VWA3B: variants seen among roughly 807,000 people sequenced by gnomAD.
VWA3B encodes the protein von Willebrand factor A domain-containing protein 3B.
Under a neutral mutation model 158.3 loss-of-function variants are expected in VWA3B, and 138 were observed. The ratio of observed to expected loss-of-function variants is 0.87; its 90% CI spans 0.76 to 1.00. The LOEUF is 1.00. Ranked by LOEUF, VWA3B falls within the 50% of genes least tolerant of loss-of-function variation. The pLI is 0.00. For missense variants in VWA3B, 1,555 were observed against 1,565.1 expected, an observed-to-expected ratio of 0.99 and a Z score of 0.11; for synonymous variants, 596 against 587.3, an observed-to-expected ratio of 1.01 and a Z score of -0.21.
At chr2:98,286,853 C>A (rs750545821) in intron 22 of VWA3B, among the ~76,000 whole-genome samples, 1 of 152,048 alleles carries the variant, frequency 6.6e-6, no homozygotes, top group Non-Finnish European at 1.5e-5. Flanking sequence ...TTCAGTTCTC[C>A]AGCCAGAAAT....
chr2:98,140,026 C>T (rs555564292), intron 7 of VWA3B, among the ~76,000 whole-genome samples: 36 of 152,138 alleles, frequency 2.4e-4, no homozygotes, highest in African/African-American at 8.4e-4. Context: ...ACTCCAGAAG[C>T]GCCGCCTTAA....
chr2:98,088,268 T>C (rs1164904351), intron 1 of VWA3B, among the ~76,000 whole-genome samples: 2 of 152,204 alleles, frequency 1.3e-5, no homozygotes, highest in Non-Finnish European at 2.9e-5. Context: ...GGGGTGTTGA[T>C]AATAAAGTAG....
chr2:98,165,533 TGCAGAGG>T (rs887392280), intron 8 of VWA3B, among the ~76,000 whole-genome samples: 2 of 151,754 alleles, frequency 1.3e-5, no homozygotes, highest in Non-Finnish European at 2.9e-5. Context: ...GTTACAGAGG[TGCAGAGG>T]GCAGAGGGCA....
downstream of VWA3B, among the ~76,000 whole-genome samples, chr2:98,316,646 C>CAA (rs57574289): frequency 4.1e-3 from 261 of 64,244 alleles, 1 homozygote; most frequent in African/African-American, 0.013. Context: ...AACTCTGTCT[C>CAA]AAAAAAAAAA....
chr2:98,228,313 GA>G lies in VWA3B; in HGVS notation c.2135del (p.Lys712ArgfsTer14), dbSNP rs1439916210. 1 of 1,613,736 alleles carries G rather than the reference GA, an allele frequency of 6.2e-7. No homozygotes were observed. Among genetic ancestry groups the G allele is most frequent in the South Asian group, 1.1e-5 (1 of 90,996 alleles). On this transcript the variant is annotated frameshift_variant, in exon 15 of 28. Transcript: ENST00000477737. LOFTEE classifies it high-confidence loss of function. ...GATCATGGACTGGTGGTACAATGCA[GA>G]AAAGGATGGAGACAGCAAGTGAGCA... ...SLIMDWWYNAEKDGDSKHQKE... is the reference protein window; with the variant it reads ...SLIMDWWYNAXKDGDSKHQKE...
chr2:98,088,140 G>C (rs190327734), intron 1 of VWA3B, among the ~76,000 whole-genome samples: 168 of 152,262 alleles, frequency 1.1e-3, no homozygotes, highest in African/African-American at 3.7e-3. Context: ...ATGAAGCTTC[G>C]TCCCAGTTTC....
At chr2:98,102,917 T>C (rs563523104) in intron 2 of VWA3B, among the ~76,000 whole-genome samples, 2 of 152,376 alleles carry the variant, frequency 1.3e-5, no homozygotes, top group East Asian at 3.9e-4. Flanking sequence ...TAATCAGATA[T>C]TCTGTTTCAT....
At chr2:98,178,502 C>T (rs1282124123) in intron 8 of VWA3B, among the ~76,000 whole-genome samples, 1 of 152,170 alleles carries the variant, frequency 6.6e-6, no homozygotes, top group African/African-American at 2.4e-5. Flanking sequence ...AATTCTATAT[C>T]CCCTTAAATA....
intron 13 of VWA3B, among the ~76,000 whole-genome samples, chr2:98,217,474 G>A (rs1025152024): frequency 2.0e-5 from 3 of 152,166 alleles, no homozygotes; most frequent in Admixed American, 2.0e-4. Context: ...GTGGGAAGCG[G>A]TTGACCATAG....
rs545479123 is a variant in VWA3B, at chr2:98,280,319, A to T, written c.3045+9436A>T. On this transcript the variant is annotated intron_variant, in intron 22 of 27. Transcript: ENST00000477737. ...TCTGTTTGGAATATAGTATATGTTT[A>T]TTAGATTCCTTTGCTGCCACAAAGA... Among the ~76,000 whole-genome samples, 68 of 152,264 alleles carry T rather than the reference A, an allele frequency of 4.5e-4. 1 individual carries two copies. In the South Asian group the frequency reaches 0.014, roughly 31 times the overall value.
In VWA3B at chr2:98,217,928, T is replaced by C. The variant is rs752042544; in HGVS notation, c.1919T>C (p.Ile640Thr). Residue 640 changes from isoleucine to threonine, a missense_variant, in exon 14 of 28, where the codon ATT becomes ACT. Transcript: ENST00000477737. ...YTISFNYNDE[I>T]ANRFLKEVAA... is the part of the protein sequence containing the mutation. ...ATCTCCTTCAATTACAATGATGAGA[T>C]TGCAAACAGGTTTTTGAAAGAGGTT... The C allele has an allele frequency of 1.4e-5, 23 of 1,613,686 alleles. No individual in the cohort carries two copies. In the South Asian group the frequency reaches 1.6e-4, roughly 12 times the overall value.
chr2:98,228,123 C>G, intron 14 of VWA3B, 79 bp from the exon 15 acceptor site: 1 of 1,471,606 alleles, frequency 6.8e-7, no homozygotes, highest in Non-Finnish European at 9.0e-7. Flanking sequence ...CCTCTTGTCT[C>G]TAAAAAGAAA....
In VWA3B at chr2:98,129,206, G is replaced by GGAGAGA. The variant is rs150753050; in HGVS notation, c.872+812_872+817dup. ...GGAGAGAGAGAGTGAGAGAGAGAGA[G>GGAGAGA]GAGAGAGAGAGAGAGAGAGTGTGTG... On this transcript the variant is annotated intron_variant, in intron 6 of 27. Coordinates refer to ENST00000477737, the MANE Select transcript of VWA3B (RefSeq NM_144992.5). Among the ~76,000 whole-genome samples, 1,153 of 128,376 alleles carry GGAGAGA rather than the reference G, an allele frequency of 9.0e-3. 30 individuals carry two copies. Among genetic ancestry groups the GGAGAGA allele is most frequent in the African/African-American group, 0.029 (861 of 29,528 alleles). The allele number at this position is 128,376 out of a possible 152,430, so 84.2% of individuals were successfully genotyped here.
At chr2:98,119,817 A>G in intron 4 of VWA3B, 54 bp downstream of exon 4, 1 of 1,596,344 alleles carries the variant, frequency 6.3e-7, no homozygotes, top group South Asian at 1.1e-5. Flanking sequence ...TAATTTGTAC[A>G]TATTTGGAAT....
intron 7 of VWA3B, among the ~76,000 whole-genome samples, chr2:98,135,261 A>G (rs919417604): frequency 2.6e-5 from 4 of 151,002 alleles, no homozygotes; most frequent in African/African-American, 9.8e-5. Context: ...CATAGCTTAC[A>G]TTTTCAGCAA....
At chr2:98,253,379 C>G (rs967104842) in intron 20 of VWA3B, among the ~76,000 whole-genome samples, 2 of 152,104 alleles carry the variant, frequency 1.3e-5, no homozygotes, top group Non-Finnish European at 2.9e-5. Flanking sequence ...ATGACATAAA[C>G]TTGTTATTGG....
At chr2:98,287,127 G>T (rs942629885) in intron 22 of VWA3B, among the ~76,000 whole-genome samples, 6 of 152,066 alleles carry the variant, frequency 3.9e-5, no homozygotes, top group African/African-American at 1.4e-4. Context: ...GAAAATTTTT[G>T]TATTCTTTCT....
the VWA3B span, among the ~76,000 whole-genome samples, chr2:98,323,213 G>T: frequency 6.6e-6 from 1 of 152,086 alleles, no homozygotes; most frequent in Non-Finnish European, 1.5e-5. Flanking sequence ...TATCAATGAA[G>T]AAATGGGTAA....
In VWA3B at chr2:98,251,499, G is replaced by A. The variant is rs574087155; in HGVS notation, c.2792+1063G>A. 2.6e-5 allele frequency among the ~76,000 whole-genome samples: 4 copies of A among 152,104 alleles called. No homozygotes were observed. In the South Asian group the frequency reaches 6.2e-4, roughly 24 times the overall value. On this transcript the variant is annotated intron_variant, in intron 20 of 27. Coordinates refer to ENST00000477737, the MANE Select transcript of VWA3B (RefSeq NM_144992.5). Reference sequence around the variant, plus strand: ...CCATGCTGTAATCACCTCCCTCCCCGGTCCCCAGCCCTTAATTAATCCTGG... The same window carrying A: ...CCATGCTGTAATCACCTCCCTCCCCAGTCCCCAGCCCTTAATTAATCCTGG...
Sources: allele counts gnomAD v4.1 joint callset (sites outside exome capture counted in the v4.1 genomes callset), GRCh38; gene constraint gnomAD v4.1.1; transcripts MANE v1.5; gene names NCBI Gene and HGNC (gene_info 2026-07-23, HGNC 2026-07-21).